GPC5: variants seen among roughly 807,000 people sequenced by gnomAD.
GPC5 encodes the protein glypican 5, also known as glypican-5.
In GPC5, 47 loss-of-function variants were observed where a neutral mutation model predicts 53.9. That is an observed-to-expected ratio of 0.87 (90% CI 0.69 to 1.11). The LOEUF (loss-of-function observed/expected upper bound fraction) is 1.11, where lower values mean the gene tolerates loss of function less well. Ranked by LOEUF, GPC5 falls within the 50% of genes most tolerant of loss-of-function variation. The pLI is 0.00. For synonymous variants in GPC5, 286 were observed against 263.3 expected (o/e 1.09, Z -0.84); for missense variants, 748 against 713.1 (o/e 1.05, Z -0.56).
Position 91,584,025 on chromosome 13 carries a change from G to T in GPC5, c.326-109162G>T, listed in dbSNP as rs781363726. ...TAAGTTAGAATGAAGCCATCAAGAG[G>T]CCCAAATCTAATATGACTGATGTCC... On this transcript the variant is annotated intron_variant, in intron 2 of 7. Transcript: ENST00000377067. Among the ~76,000 whole-genome samples, 85 of 152,098 alleles carry T rather than the reference G, an allele frequency of 5.6e-4. 2 individuals are homozygous for T. Among genetic ancestry groups the T allele is most frequent in the Non-Finnish European group, 1.6e-4 (11 of 68,024 alleles).
intron 2 of GPC5, among the ~76,000 whole-genome samples, chr13:91,689,469 G>A (rs2035707041): frequency 1.3e-5 from 2 of 150,134 alleles, no homozygotes; most frequent in Non-Finnish European, 3.0e-5. Context: ...TTAGCTTACA[G>A]TAGTTTATAA....
chr13:91,698,880 TAAG>T (rs1772271260), intron 3 of GPC5, among the ~76,000 whole-genome samples: 1 of 152,112 alleles, frequency 6.6e-6, no homozygotes, highest in African/African-American at 2.4e-5. Flanking sequence ...TTCACAATAA[TAAG>T]AAGGCTAATA....
chr13:92,758,023 A>G (rs1001459133), intron 7 of GPC5, among the ~76,000 whole-genome samples: 69 of 151,264 alleles, frequency 4.6e-4, no homozygotes, highest in Middle Eastern at 3.4e-3. Flanking sequence ...CTATAAAGAC[A>G]CATGCACACG....
At chr13:92,151,279 G>A (rs2138992831) in intron 7 of GPC5, among the ~76,000 whole-genome samples, 1 of 152,150 alleles carries the variant, frequency 6.6e-6, no homozygotes, top group Admixed American at 6.5e-5. Context: ...CTGGGACTCT[G>A]CTTACAAAGT....
intron 7 of GPC5, among the ~76,000 whole-genome samples, chr13:92,611,911 A>G (rs975625587): frequency 6.6e-6 from 1 of 152,086 alleles, no homozygotes; most frequent in South Asian, 2.1e-4. Context: ...TAAGTTTTAC[A>G]AAAGTTTCAA....
intron 5 of GPC5, among the ~76,000 whole-genome samples, chr13:91,793,966 C>T (rs1412056583): frequency 6.6e-6 from 1 of 152,158 alleles, no homozygotes; most frequent in African/African-American, 2.4e-5. Flanking sequence ...CAAACCATAT[C>T]TCCCCTCTGG....
chr13:91,540,364 C>T (rs1286326615), intron 2 of GPC5, among the ~76,000 whole-genome samples: 2 of 152,214 alleles, frequency 1.3e-5, no homozygotes, highest in East Asian at 1.9e-4. Context: ...CTTTCCTTTA[C>T]AGGCCACATA....
At chr13:92,785,046 G>A (rs1248699832) in intron 7 of GPC5, among the ~76,000 whole-genome samples, 2 of 152,174 alleles carry the variant, frequency 1.3e-5, no homozygotes, top group Non-Finnish European at 2.9e-5. Context: ...GGAGGCCGAG[G>A]CGTGTGGATC....
intron 2 of GPC5, among the ~76,000 whole-genome samples, chr13:91,483,585 T>C (rs1594147933): frequency 6.6e-6 from 1 of 152,078 alleles, no homozygotes; most frequent in East Asian, 1.9e-4. Context: ...GGGATTGGGG[T>C]TTACATTAAG....
At chr13:91,506,978 A>G (rs890329654) in intron 2 of GPC5, among the ~76,000 whole-genome samples, 7 of 152,164 alleles carry the variant, frequency 4.6e-5, no homozygotes, top group African/African-American at 1.4e-4. Flanking sequence ...CAATGCCCCA[A>G]AGTAACCATG....
intron 7 of GPC5, among the ~76,000 whole-genome samples, chr13:92,813,723 C>T (rs1938973154): frequency 6.6e-6 from 1 of 151,950 alleles, no homozygotes; most frequent in East Asian, 1.9e-4. Context: ...AATTGCAAAG[C>T]ATTGCTGAGA....
chr13:92,520,629 C>A (rs1470569627), intron 7 of GPC5, among the ~76,000 whole-genome samples: 1 of 152,088 alleles, frequency 6.6e-6, no homozygotes, highest in Non-Finnish European at 1.5e-5. Context: ...TGGGACGTAT[C>A]TCAAAATAAT....
chr13:92,775,582 A>G (rs1040785390), intron 7 of GPC5, among the ~76,000 whole-genome samples: 7 of 152,194 alleles, frequency 4.6e-5, no homozygotes, highest in African/African-American at 1.4e-4. Flanking sequence ...CTGATTATCA[A>G]CTGATCATAC....
intron 7 of GPC5, among the ~76,000 whole-genome samples, chr13:92,407,761 T>C (rs1400659427): frequency 6.6e-6 from 1 of 152,112 alleles, no homozygotes; most frequent in Non-Finnish European, 1.5e-5. Flanking sequence ...TAATATAAAA[T>C]ATTAAGACAT....
intron 5 of GPC5, among the ~76,000 whole-genome samples, chr13:91,812,609 G>A (rs1409083446): frequency 1.3e-5 from 2 of 152,036 alleles, no homozygotes; most frequent in African/African-American, 4.8e-5. Context: ...TTCCAATCCA[G>A]CATTTTTCTA....
chr13:92,234,129 G>A (rs1047083940), intron 7 of GPC5, among the ~76,000 whole-genome samples: 1 of 152,180 alleles, frequency 6.6e-6, no homozygotes, highest in African/African-American at 2.4e-5. Context: ...ACATGTGCAT[G>A]TGTCTTTATA....
At chr13:91,862,789 A>G (rs2039044333) in intron 5 of GPC5, among the ~76,000 whole-genome samples, 1 of 152,138 alleles carries the variant, frequency 6.6e-6, no homozygotes, top group South Asian at 2.1e-4. Flanking sequence ...AATAGTCCCA[A>G]TAATGTTTCA....
chr13:92,460,221 G>A (rs886873324), intron 7 of GPC5, among the ~76,000 whole-genome samples: 1 of 151,996 alleles, frequency 6.6e-6, no homozygotes, highest in African/African-American at 2.4e-5. Flanking sequence ...AGATATTTAA[G>A]GGGTACAATT....
chr13:92,491,536 C>T (rs752860401), intron 7 of GPC5, among the ~76,000 whole-genome samples: 3 of 152,070 alleles, frequency 2.0e-5, no homozygotes, highest in African/African-American at 7.2e-5. Flanking sequence ...ATCGGCAGCA[C>T]GTTCTTCACA....
Sources: allele counts gnomAD v4.1 joint callset (sites outside exome capture counted in the v4.1 genomes callset), GRCh38; gene constraint gnomAD v4.1.1; transcripts MANE v1.5; gene names NCBI Gene and HGNC (gene_info 2026-07-23, HGNC 2026-07-21).